FAR1: variants seen among roughly 807,000 people sequenced by gnomAD.
FAR1 encodes fatty acyl-CoA reductase 1.
Under a neutral mutation model 61.1 loss-of-function variants are expected in FAR1, and 22 were observed. That is an observed-to-expected ratio of 0.36 (90% CI 0.26 to 0.51). The LOEUF (loss-of-function observed/expected upper bound fraction) is 0.51. FAR1 is among the 20% of genes least tolerant of loss of function. The pLI, the probability that FAR1 is intolerant of heterozygous loss-of-function variation, is 0.95. For synonymous variants in FAR1, 206 were observed against 209.7 expected (o/e 0.98, Z 0.15); for missense variants, 359 against 626.9 (o/e 0.57, Z 4.56).
At chr11:13,716,116 T>A (rs185196762) in intron 9 of FAR1, among the ~76,000 whole-genome samples, 188 of 152,302 alleles carry the variant, frequency 1.2e-3, no homozygotes, top group African/African-American at 4.4e-3. Context: ...ATGGCTAAAA[T>A]GCAGATGTAA....
intron 1 of FAR1, chr11:13,685,515 GTTC>G (rs1311039532): frequency 1.4e-5 from 3 of 216,932 alleles, no homozygotes; most frequent in Non-Finnish European, 3.0e-5. Context: ...ACCCAGTCTG[GTTC>G]TTCTCCAGTG....
chr11:13,673,829 C>G, intron 1 of FAR1, among the ~76,000 whole-genome samples: 1 of 152,170 alleles, frequency 6.6e-6, no homozygotes, highest in East Asian at 1.9e-4. Context: ...ATGGCATATG[C>G]CTGTAGTTTT....
intron 3 of FAR1, among the ~76,000 whole-genome samples, chr11:13,704,616 G>A (rs1472620912): frequency 6.6e-6 from 1 of 152,092 alleles, no homozygotes; most frequent in South Asian, 2.1e-4. Context: ...TGCCCCTTTA[G>A]AACCATTGCT....
chr11:13,675,441 T>TTC (rs375031584), intron 1 of FAR1, among the ~76,000 whole-genome samples: 45,540 of 151,816 alleles, frequency 0.3, 7,108 homozygotes, highest in South Asian at 0.38. Flanking sequence ...ATTTTGGCGC[T>TTC]ATAGAATAAG....
Position 13,714,594 on chromosome 11 carries a change from T to A in FAR1, c.1041T>A (p.Leu347=), listed in dbSNP as rs746398741. Residue 347 remains leucine (L), a synonymous_variant, in exon 9 of 12, where the codon CTT becomes CTA. Transcript: ENST00000354817. ...RPNVNLTSNH[L]LYHYWIAVSH... ...ATGTAAATCTAACCTCCAATCATCTTTTATATCATTACTGGATTGCTGTAA... is the reference window on the plus strand; with the variant it reads ...ATGTAAATCTAACCTCCAATCATCTATTATATCATTACTGGATTGCTGTAA... 6.2e-6 allele frequency: 10 copies of A among 1,613,536 alleles called. No homozygotes were observed. In the African/African-American group the frequency reaches 8.0e-5, roughly 13 times the overall value.
rs539264023 is a variant in FAR1, at chr11:13,708,297, G to A, written c.545+218G>A. The stretch of plus-strand genomic sequence containing the variant: ...GAGAGTTGCTTGAATCCCAGAGGTT[G>A]CAGTGAGCCGAGATGGCGCCACTGC... On this transcript the variant is annotated intron_variant, in intron 4 of 11. Transcript: ENST00000354817. 5.3e-5 allele frequency among the ~76,000 whole-genome samples: 8 copies of A among 151,900 alleles called. No individual in the cohort carries two copies. The South Asian group carries it at 1.7e-3, about 32-fold the overall frequency.
intron 8 of FAR1, among the ~76,000 whole-genome samples, chr11:13,714,146 A>G (rs1402222313): frequency 6.6e-6 from 1 of 151,592 alleles, no homozygotes; most frequent in African/African-American, 2.4e-5. Flanking sequence ...TTTTTTAAGT[A>G]AGTACAGTAA....
intron 1 of FAR1, among the ~76,000 whole-genome samples, chr11:13,677,507 C>A (rs535899722): frequency 1.3e-5 from 2 of 152,176 alleles, no homozygotes; most frequent in Admixed American, 1.3e-4. Flanking sequence ...GCTGTTTTTT[C>A]CCCACTCAAA....
chr11:13,719,534 G>A (rs1005266316), intron 9 of FAR1, among the ~76,000 whole-genome samples: 1 of 152,134 alleles, frequency 6.6e-6, no homozygotes, highest in African/African-American at 2.4e-5. Flanking sequence ...AATTCTGAAT[G>A]TGAGCTAGAT....
intron 1 of FAR1, among the ~76,000 whole-genome samples, chr11:13,678,555 G>A (rs1216789524): frequency 6.6e-6 from 1 of 152,154 alleles, no homozygotes; most frequent in Non-Finnish European, 1.5e-5. Flanking sequence ...TGGCCACGAA[G>A]GTCATGCTTT....
Position 13,727,340 on chromosome 11 carries a change from G to C in FAR1, c.1258-216G>C, listed in dbSNP as rs12787406. On this transcript the variant is annotated intron_variant, in intron 10 of 11. Coordinates refer to ENST00000354817, the MANE Select transcript of FAR1 (RefSeq NM_032228.6). The stretch of plus-strand genomic sequence containing the variant: ...CTTTAAATGCTGACATTAGTTTCCA[G>C]ATTATCTTCTCAAATGTTTCCATGT... 0.032 allele frequency among the ~76,000 whole-genome samples: 4,888 copies of C among 151,848 alleles called. 114 individuals carry two copies. The highest frequency in any genetic ancestry group is 0.047 in the Non-Finnish European group (3,187 of 67,790).
rs1414529660 is a variant in FAR1 at position 13,729,799 on chromosome 11, A to G, written c.*1025A>G. 1 of 152,170 alleles carries G rather than the reference A, an allele frequency of 6.6e-6. No homozygotes were observed. Among genetic ancestry groups the G allele is most frequent in the Non-Finnish European group, 1.5e-5 (1 of 67,900 alleles). The allele number at this position is 152,170 out of a possible 1,614,324, so 9.4% of individuals were successfully genotyped here. ...AAAAAATATACTCGTGTGTAAACACATACTAATTTTGACCTTGAAAGATGA... is the reference window on the plus strand; with the variant it reads ...AAAAAATATACTCGTGTGTAAACACGTACTAATTTTGACCTTGAAAGATGA... On this transcript the variant is annotated 3_prime_UTR_variant, in exon 12 of 12. Coordinates refer to ENST00000354817, the MANE Select transcript of FAR1 (RefSeq NM_032228.6).
At chr11:13,673,050 A>G (rs537078746) in intron 1 of FAR1, among the ~76,000 whole-genome samples, 6 of 152,310 alleles carry the variant, frequency 3.9e-5, no homozygotes, top group South Asian at 2.1e-4. Context: ...GAAGTGCTGG[A>G]TTTAGATATA....
intron 3 of FAR1, among the ~76,000 whole-genome samples, chr11:13,704,987 T>C (rs1848417636): frequency 1.3e-5 from 2 of 152,192 alleles, no homozygotes; most frequent in African/African-American, 4.8e-5. Context: ...ATTATCAACA[T>C]AGATTTCTTT....
chr11:13,707,246 CAAGTA>C (rs1246433580), intron 3 of FAR1, among the ~76,000 whole-genome samples: 1 of 152,044 alleles, frequency 6.6e-6, no homozygotes, highest in African/African-American at 2.4e-5. Flanking sequence ...TTATTTACTT[CAAGTA>C]AATTCCAAGA....
intron 9 of FAR1, among the ~76,000 whole-genome samples, chr11:13,719,425 T>A (rs946334223): frequency 2.6e-5 from 4 of 152,216 alleles, no homozygotes; most frequent in African/African-American, 9.6e-5. Context: ...AGTAATAGAC[T>A]TTACACCTTA....
chr11:13,700,604 C>G, intron 3 of FAR1, 112 bp downstream of exon 3: 1 of 631,506 alleles, frequency 1.6e-6, no homozygotes. Context: ...TACTATTTGC[C>G]TATGTTAACT....
intron 1 of FAR1, among the ~76,000 whole-genome samples, chr11:13,673,683 A>G (rs1848035057): frequency 6.6e-6 from 1 of 152,168 alleles, no homozygotes; most frequent in African/African-American, 2.4e-5. Context: ...CTAATAGGAT[A>G]CCTTATATTT....
intron 4 of FAR1, 35 bp from the exon 5 acceptor site, chr11:13,710,658 T>C (rs1848487953): frequency 3.9e-6 from 6 of 1,521,678 alleles, no homozygotes; most frequent in Non-Finnish European, 5.3e-6. Context: ...TAGTAAAATA[T>C]CTGGAAATAT....
Sources: allele counts gnomAD v4.1 joint callset (sites outside exome capture counted in the v4.1 genomes callset), GRCh38; gene constraint gnomAD v4.1.1; transcripts MANE v1.5; gene names NCBI Gene and HGNC (gene_info 2026-07-23, HGNC 2026-07-21).